Variants in MDM1 observed in about 807,000 individuals in gnomAD.
MDM1 encodes stabilizer of axonemal microtubules 6, also known as Mdm1 nuclear protein.
In MDM1, 61 loss-of-function variants were observed where a neutral mutation model predicts 89.1. The ratio of observed to expected loss-of-function variants is 0.68; its 90% confidence interval spans 0.56 to 0.85. The LOEUF is 0.85. MDM1 is among the 40% of genes least tolerant of loss of function. The pLI, the probability that MDM1 is intolerant of heterozygous loss-of-function variation, is 0.00. For synonymous variants in MDM1, 290 were observed against 294.1 expected (o/e 0.99, Z 0.14); for missense variants, 820 against 846.5 (o/e 0.97, Z 0.39).
Position 68,313,572 on chromosome 12 carries a change from A to C in MDM1, c.1640-20T>G. The C allele has an allele frequency of 6.2e-7, 1 of 1,609,824 alleles. No homozygotes were observed. Among genetic ancestry groups the C allele is most frequent in the Non-Finnish European group, 8.5e-7 (1 of 1,176,392 alleles). ...CACCACCTGGAAAAATAAAGATGAC[A>C]GTTTCAATTACACTAAATTAACATG... On this transcript the variant is annotated intron_variant, in intron 11 of 14. Transcript: ENST00000682720.
At chr12:68,298,523 C>T (rs1032769322) in intron 13 of MDM1, among the ~76,000 whole-genome samples, 2 of 152,288 alleles carry the variant, frequency 1.3e-5, no homozygotes, top group South Asian at 2.1e-4. Flanking sequence ...CCACAGGACT[C>T]GGTATGAGTG....
At chr12:68,317,549 T>C (rs1195109187) in intron 7 of MDM1, among the ~76,000 whole-genome samples, 1 of 152,178 alleles carries the variant, frequency 6.6e-6, no homozygotes, top group Non-Finnish European at 1.5e-5. Flanking sequence ...AGCACCTATA[T>C]GGCATAAGAA....
Position 68,295,039 on chromosome 12 carries a change from G to A in MDM1, c.*215C>T. ...ACATGTGAAGAATTCAATAATCTAG[G>A]TCTTTGTACTCTGGGATAGATGTAA... On this transcript the variant is annotated 3_prime_UTR_variant, in exon 15 of 15. Transcript: ENST00000682720. 3.2e-6 allele frequency: 1 copy of A among 316,246 alleles called. No homozygotes were observed. The allele number at this position is 316,246 out of a possible 1,614,324, so 19.6% of individuals were successfully genotyped here.
intron 2 of MDM1, among the ~76,000 whole-genome samples, chr12:68,327,753 TA>T (rs1876222899): frequency 2.0e-5 from 3 of 152,250 alleles, no homozygotes; most frequent in Admixed American, 1.3e-4. Flanking sequence ...GGGCATGAGG[TA>T]AAACCCAGGG....
rs368730747 is a variant in MDM1, at chr12:68,316,288, T to A, written c.1036-35A>T. On this transcript the variant is annotated intron_variant, in intron 8 of 14. Transcript: ENST00000682720. ...AGAGTTCAGACATCATATACTATTGTAAATGCTTCTTTACAAACAGCACCA... is the reference window on the plus strand; with the variant it reads ...AGAGTTCAGACATCATATACTATTGAAAATGCTTCTTTACAAACAGCACCA... The A allele has an allele frequency of 7.7e-5, 120 of 1,567,662 alleles. No individual in the cohort carries two copies. In the African/African-American group the frequency reaches 1.4e-3, roughly 18 times the overall value.
At chr12:68,300,668 T>C (rs1486824506) in intron 13 of MDM1, among the ~76,000 whole-genome samples, 1 of 152,172 alleles carries the variant, frequency 6.6e-6, no homozygotes, top group Non-Finnish European at 1.5e-5. Flanking sequence ...ATAAAACAAT[T>C]ACTACTAGAC....
intron 12 of MDM1, among the ~76,000 whole-genome samples, chr12:68,311,151 A>T (rs1873619696): frequency 6.6e-6 from 1 of 152,032 alleles, no homozygotes; most frequent in South Asian, 2.1e-4. Context: ...TCTTATTCTC[A>T]TGACAAATTC....
At chr12:68,302,497 T>C in intron 13 of MDM1, 123 bp downstream of exon 13, 1 of 911,210 alleles carries the variant, frequency 1.1e-6, no homozygotes, top group Non-Finnish European at 1.6e-6. Flanking sequence ...AGAAATTTTA[T>C]TAATACATTA....
chr12:68,330,072 G>A (rs1193034318), intron 2 of MDM1, among the ~76,000 whole-genome samples: 3 of 152,064 alleles, frequency 2.0e-5, no homozygotes, highest in Admixed American at 2.0e-4. Flanking sequence ...TCCTCAAAAA[G>A]AGCCTTTCCC....
In MDM1 at chr12:68,323,272, G is replaced by A. The variant is rs754470153; in HGVS notation, c.634-32C>T. On this transcript the variant is annotated intron_variant, in intron 4 of 14. Transcript: ENST00000682720. Reference sequence around the variant, plus strand: ...ACAAAAATTATTTTAGTTTAGTTTTGTTGATTAAATATGCGGAACTTTGGT... The same window carrying A: ...ACAAAAATTATTTTAGTTTAGTTTTATTGATTAAATATGCGGAACTTTGGT... 2.0e-6 allele frequency: 3 copies of A among 1,490,052 alleles called. No homozygotes were observed. The African/African-American group carries it at 4.3e-5, about 22-fold the overall frequency. 92.3% of individuals were successfully genotyped at this position (1,490,052 alleles called of 1,614,324 possible).
intron 12 of MDM1, among the ~76,000 whole-genome samples, chr12:68,304,003 T>G (rs1375315515): frequency 6.6e-6 from 1 of 152,094 alleles, no homozygotes; most frequent in Non-Finnish European, 1.5e-5. Context: ...TTTGGGATAC[T>G]TGGGTGGCCA....
At chr12:68,332,194 C>A (rs1321879034) in intron 1 of MDM1, 34 bp downstream of exon 1, 8 of 1,534,518 alleles carry the variant, frequency 5.2e-6, no homozygotes, top group South Asian at 3.7e-5. Flanking sequence ...TGGCTCCCCC[C>A]AGCCACATTC....
Position 68,332,217 on chromosome 12 carries a change from C to G in MDM1, c.18+11G>C, listed in dbSNP as rs757956066. On this transcript the variant is annotated intron_variant, in intron 1 of 14. Transcript: ENST00000682720. ...CCCAGCCACATTCCGGCCCGGGGAC[C>G]CCAGCCTCACCTTGAAGCGCACCGG... is the stretch of plus-strand genomic sequence containing the variant. 5 of 1,567,870 alleles carry G rather than the reference C, an allele frequency of 3.2e-6. No homozygotes were observed. The highest frequency in any genetic ancestry group is 3.5e-6 in the Non-Finnish European group (4 of 1,156,678).
chr12:68,307,610 T>C (rs1873079412), intron 12 of MDM1, among the ~76,000 whole-genome samples: 1 of 152,114 alleles, frequency 6.6e-6, no homozygotes, highest in Non-Finnish European at 1.5e-5. Flanking sequence ...CAATGCACTC[T>C]GGCCTGGGCA....
In MDM1 at chr12:68,326,800, T is replaced by C; in HGVS notation, c.355A>G (p.Thr119Ala). 1 of 1,613,992 alleles carries C rather than the reference T, an allele frequency of 6.2e-7. No homozygotes were observed. Among genetic ancestry groups the C allele is most frequent in the East Asian group, 2.2e-5 (1 of 44,864 alleles). The change falls in exon 3 of 15, where the codon ACC becomes GCC. Residue 119 changes from threonine to alanine, a missense_variant. Thr to Ala is a moderately conservative substitution (Grantham distance 58). Transcript: ENST00000682720. The part of the protein sequence containing the change: ...SLEASRVPKR[T>A]RSHSADSRAE... ...CTGGAGTCTGCAGAGTGAGATCTGG[T>C]TCTTTTGGGAACCCTGGAAGCTTCT...
chr12:68,332,092 C>G (rs1047849000), intron 1 of MDM1, 136 bp downstream of exon 1: 154 of 1,260,402 alleles, frequency 1.2e-4, no homozygotes, highest in Admixed American at 3.8e-4. Flanking sequence ...TGGGGCCCCT[C>G]GAGCAGGCCC....
At chr12:68,325,319 T>C in intron 4 of MDM1, 122 bp downstream of exon 4, 1 of 1,364,738 alleles carries the variant, frequency 7.3e-7, no homozygotes. Context: ...TCATTTTGGT[T>C]TTCTAGAACC....
intron 12 of MDM1, among the ~76,000 whole-genome samples, chr12:68,311,581 A>C (rs1873697375): frequency 6.6e-6 from 1 of 152,094 alleles, no homozygotes; most frequent in African/African-American, 2.4e-5. Flanking sequence ...ACCCTTCCAT[A>C]TCTCCACCAG....
rs772388959 is a variant in MDM1, at chr12:68,313,489, A to ATT, written c.1701_1702dup (p.Met568LysfsTer2). 2.5e-6 allele frequency: 4 copies of ATT among 1,613,974 alleles called. No homozygotes were observed. In the African/African-American group the frequency reaches 5.3e-5, roughly 22 times the overall value. Reference sequence around the variant, plus strand: ...AGTTTCTAAACAATCCTGAGAGGTCATTCTTTTCCTCTGTTCTGGGGCTGG... The same window carrying ATT: ...AGTTTCTAAACAATCCTGAGAGGTCATTTTCTTTTCCTCTGTTCTGGGGCTGG... On this transcript the variant is annotated frameshift_variant, in exon 12 of 15. Transcript: ENST00000682720. LOFTEE classifies it high-confidence loss of function.
Sources: allele counts gnomAD v4.1 joint callset (sites outside exome capture counted in the v4.1 genomes callset), GRCh38; gene constraint gnomAD v4.1.1; transcripts MANE v1.5; gene names NCBI Gene and HGNC (gene_info 2026-07-23, HGNC 2026-07-21).